Variants in RBM6 observed in about 807,000 individuals in gnomAD.
RBM6 encodes the protein RNA binding motif protein 6.
A neutral mutation model predicts 140.4 loss-of-function variants in RBM6; 23 were observed. The observed-to-expected ratio is 0.16, with a 90% confidence interval of 0.12 to 0.23. RBM6 has a LOEUF of 0.23. Ranked by LOEUF, RBM6 falls within the 10% of genes least tolerant of loss-of-function variation. The pLI is 1.00. For missense variants in RBM6, 1,139 were observed against 1,386.7 expected (o/e 0.82, Z 2.84); for synonymous variants, 439 against 475.6 (o/e 0.92, Z 1.00).
At chr3:49,982,278 T>C (rs920184507) in intron 5 of RBM6, among the ~76,000 whole-genome samples, 10 of 146,082 alleles carry the variant, frequency 6.8e-5, no homozygotes, top group Non-Finnish European at 3.0e-5. Flanking sequence ...TTTTTTTTTT[T>C]TTTTTTTTTT....
At chr3:49,982,274 T>C (rs964260419) in intron 5 of RBM6, among the ~76,000 whole-genome samples, 9 of 144,794 alleles carry the variant, frequency 6.2e-5, no homozygotes, top group East Asian at 2.0e-4. Context: ...TTTTTTTTTT[T>C]TTTTTTTTTT....
At chr3:50,033,670 G>A (rs938824395) in intron 6 of RBM6, among the ~76,000 whole-genome samples, 3 of 151,786 alleles carry the variant, frequency 2.0e-5, no homozygotes, top group Admixed American at 6.6e-5. Context: ...TTTTTGAGAT[G>A]GAGTCTCGCT....
At chr3:49,980,251 C>T (rs1301353226) in intron 5 of RBM6, among the ~76,000 whole-genome samples, 1 of 151,742 alleles carries the variant, frequency 6.6e-6, no homozygotes, top group Admixed American at 6.6e-5. Flanking sequence ...GTGATCTGCC[C>T]ACCTTGGCCT....
intron 2 of RBM6, among the ~76,000 whole-genome samples, chr3:49,966,938 G>A (rs1461248352): frequency 1.3e-5 from 2 of 151,788 alleles, no homozygotes; most frequent in Non-Finnish European, 2.9e-5. Context: ...TTCTTTTTGG[G>A]CCTGCATCCA....
chr3:50,019,669 G>A (rs2087376468), intron 6 of RBM6, among the ~76,000 whole-genome samples: 1 of 152,068 alleles, frequency 6.6e-6, no homozygotes, highest in African/African-American at 2.4e-5. Context: ...AGGAGCTGTT[G>A]AGAATACATC....
intron 6 of RBM6, among the ~76,000 whole-genome samples, chr3:50,008,656 C>T (rs545607579): frequency 2.1e-5 from 3 of 144,542 alleles, no homozygotes; most frequent in Non-Finnish European, 4.5e-5. Flanking sequence ...CGGGTTAAAG[C>T]GATTCTCCTG....
intron 6 of RBM6, among the ~76,000 whole-genome samples, chr3:50,001,696 A>G (rs1043402052): frequency 1.3e-5 from 2 of 152,050 alleles, no homozygotes; most frequent in Admixed American, 6.6e-5. Context: ...CTACATGCCA[A>G]TTTTGGAGAG....
chr3:49,947,289 G>T (rs964309297), intron 1 of RBM6, among the ~76,000 whole-genome samples: 1 of 149,084 alleles, frequency 6.7e-6, no homozygotes, highest in Non-Finnish European at 1.5e-5. Context: ...TTTGAGCTGG[G>T]TGTGCAGGTG....
intron 6 of RBM6, among the ~76,000 whole-genome samples, chr3:50,016,848 C>T (rs1174431901): frequency 8.0e-6 from 1 of 124,892 alleles, no homozygotes; most frequent in African/African-American, 3.4e-5. Context: ...TTTTTTGAGA[C>T]AGAGTCTCGC....
At chr3:49,946,028 G>T (rs546277745) in intron 1 of RBM6, among the ~76,000 whole-genome samples, 1 of 151,992 alleles carries the variant, frequency 6.6e-6, no homozygotes, top group Non-Finnish European at 1.5e-5. Flanking sequence ...GAAGGGGGCT[G>T]CCTGCAAGCC....
At chr3:49,990,864 A>T (rs889207130) in intron 5 of RBM6, among the ~76,000 whole-genome samples, 1 of 152,212 alleles carries the variant, frequency 6.6e-6, no homozygotes, top group Non-Finnish European at 1.5e-5. Context: ...CTCCTGTGTC[A>T]TGTAGGCAGA....
At chr3:50,007,511 A>G (rs1009766322) in intron 6 of RBM6, among the ~76,000 whole-genome samples, 4 of 150,278 alleles carry the variant, frequency 2.7e-5, no homozygotes, top group African/African-American at 9.8e-5. Context: ...CTGCTGCCTT[A>G]GCCTTCAAGA....
chr3:50,047,073 TAGGTAG>T (rs2089259711), intron 6 of RBM6: 1 of 685,350 alleles, frequency 1.5e-6, no homozygotes, highest in African/African-American at 2.0e-5. Flanking sequence ...TGCTAAGACC[TAGGTAG>T]ATGGGCAATT....
intron 6 of RBM6, among the ~76,000 whole-genome samples, chr3:50,003,308 TAA>T (rs61492386): frequency 0.76 from 85,995 of 112,618 alleles, 32,625 homozygotes; most frequent in East Asian, 0.85. Context: ...TGTCTAAATT[TAA>T]AAAAAAAAAA....
chr3:50,071,123 C>G (rs1014243296), intron 19 of RBM6, among the ~76,000 whole-genome samples: 3 of 152,164 alleles, frequency 2.0e-5, no homozygotes, highest in Non-Finnish European at 4.4e-5. Context: ...TGGTGCGTCT[C>G]ATAGGGCAGA....
intron 18 of RBM6, among the ~76,000 whole-genome samples, chr3:50,069,955 A>C (rs945503574): frequency 6.6e-6 from 1 of 152,194 alleles, no homozygotes. Flanking sequence ...AAGCGTGCCA[A>C]CTTATTCTTT....
intron 8 of RBM6, among the ~76,000 whole-genome samples, chr3:50,054,764 C>T (rs2089634520): frequency 6.6e-6 from 1 of 152,128 alleles, no homozygotes; most frequent in Non-Finnish European, 1.5e-5. Flanking sequence ...CCCGACCCAC[C>T]TTGGCCTCCC....
intron 6 of RBM6, among the ~76,000 whole-genome samples, chr3:50,033,353 G>A (rs1057224634): frequency 1.3e-5 from 2 of 152,104 alleles, no homozygotes; most frequent in African/African-American, 2.4e-5. Flanking sequence ...GGTATGATCC[G>A]TAGTTCACTA....
chr3:50,040,880 A>G (rs879541244), intron 6 of RBM6, among the ~76,000 whole-genome samples: 4 of 152,040 alleles, frequency 2.6e-5, no homozygotes, highest in Non-Finnish European at 5.9e-5. Flanking sequence ...CCTGAGCTCA[A>G]GCAATCCACC....
Sources: gnomAD v4.1 joint callset for allele counts (sites outside exome capture counted in the v4.1 genomes callset) on GRCh38, gnomAD v4.1.1 for gene constraint, MANE v1.5 for transcripts, NCBI Gene and HGNC (gene_info 2026-07-23, HGNC 2026-07-21) for gene names.